UNC13C: variants seen among roughly 807,000 people sequenced by gnomAD.
UNC13C encodes unc-13 homolog C, also known as protein unc-13 homolog C.
UNC13C carries 174 observed loss-of-function variants against 245.4 expected under a neutral mutation model. The observed-to-expected ratio is 0.71, with a 90% CI of 0.63 to 0.80. The LOEUF (loss-of-function observed/expected upper bound fraction) is 0.80. Among genes scored for constraint, UNC13C ranks in the 30% least tolerant of loss-of-function variants. UNC13C has a pLI of 0.00. For synonymous variants in UNC13C, 992 were observed against 895.1 expected (o/e 1.11, Z -1.93); for missense variants, 2,829 against 2,602.9 (o/e 1.09, Z -1.89).
chr15:53,903,092 C>T, the UNC13C span, among the ~76,000 whole-genome samples: 1 of 152,110 alleles, frequency 6.6e-6, no homozygotes, highest in Non-Finnish European at 1.5e-5. Flanking sequence ...ATTTGCTTGT[C>T]TAAAACATAT....
chr15:54,523,379 T>C (rs1895310352), intron 24 of UNC13C, among the ~76,000 whole-genome samples: 1 of 152,208 alleles, frequency 6.6e-6, no homozygotes, highest in Admixed American at 6.5e-5. Context: ...TAACTGAAAC[T>C]AAAACTTTTC....
intron 26 of UNC13C, among the ~76,000 whole-genome samples, chr15:54,540,165 T>C (rs59729248): frequency 0.1 from 15,663 of 151,984 alleles, 1,094 homozygotes; most frequent in African/African-American, 0.19. Context: ...AAGAAAGGAA[T>C]ACAAATAAAC....
chr15:54,246,657 A>T (rs1002863237), intron 7 of UNC13C, among the ~76,000 whole-genome samples: 5 of 150,330 alleles, frequency 3.3e-5, no homozygotes, highest in African/African-American at 1.2e-4. Context: ...AAGTTGTAGA[A>T]GATTTGTAAA....
chr15:54,536,665 G>C (rs1895995903), intron 26 of UNC13C, among the ~76,000 whole-genome samples: 1 of 152,042 alleles, frequency 6.6e-6, no homozygotes, highest in Non-Finnish European at 1.5e-5. Context: ...TAGGATGCAA[G>C]GTGGTTTAAC....
chr15:54,204,822 A>G (rs539579273), intron 4 of UNC13C, among the ~76,000 whole-genome samples: 3 of 152,138 alleles, frequency 2.0e-5, no homozygotes, highest in Non-Finnish European at 4.4e-5. Flanking sequence ...AATATTTGGG[A>G]AAGTCGACAG....
intron 13 of UNC13C, among the ~76,000 whole-genome samples, chr15:54,310,214 G>C (rs1232673200): frequency 2.6e-5 from 4 of 151,724 alleles, no homozygotes; most frequent in African/African-American, 9.7e-5. Context: ...AATAATTTAA[G>C]TAGTGTTAGA....
intron 4 of UNC13C, among the ~76,000 whole-genome samples, chr15:54,226,161 G>T (rs1183817197): frequency 1.3e-5 from 2 of 152,164 alleles, no homozygotes; most frequent in African/African-American, 4.8e-5. Flanking sequence ...AAGCCAAGTT[G>T]ATTGTCATGG....
At chr15:54,332,224 G>T (rs2038455624) in intron 15 of UNC13C, 113 bp downstream of exon 15, 2 of 718,178 alleles carry the variant, frequency 2.8e-6, no homozygotes, top group Non-Finnish European at 4.5e-6. Context: ...ATTGATCTCA[G>T]GTGCTGTTAC....
intron 4 of UNC13C, among the ~76,000 whole-genome samples, chr15:54,168,276 T>TA (rs1439494984): frequency 2.0e-5 from 3 of 152,152 alleles, no homozygotes; most frequent in Non-Finnish European, 4.4e-5. Flanking sequence ...ATTGCTATTC[T>TA]AAAAAAATAT....
chr15:54,320,355 G>A (rs1230068035), intron 13 of UNC13C, among the ~76,000 whole-genome samples: 1 of 151,910 alleles, frequency 6.6e-6, no homozygotes, highest in Non-Finnish European at 1.5e-5. Flanking sequence ...AACATTCAAA[G>A]TTGAGTTTAC....
chr15:54,237,033 G>A (rs1244151386), intron 6 of UNC13C, among the ~76,000 whole-genome samples: 2 of 152,112 alleles, frequency 1.3e-5, no homozygotes, highest in Non-Finnish European at 2.9e-5. Flanking sequence ...GGAAACTAAA[G>A]GGACTTGACT....
intron 14 of UNC13C, among the ~76,000 whole-genome samples, chr15:54,324,589 T>A (rs907554955): frequency 5.3e-5 from 8 of 151,954 alleles, no homozygotes; most frequent in Non-Finnish European, 8.8e-5. Flanking sequence ...GATTTTTTTT[T>A]AAAATGTGAT....
intron 19 of UNC13C, among the ~76,000 whole-genome samples, chr15:54,477,478 G>C (rs1487971484): frequency 9.2e-6 from 1 of 109,268 alleles, no homozygotes; most frequent in African/African-American, 3.4e-5. Flanking sequence ...TTTGAGATAC[G>C]TCCCATCAAT....
chr15:54,482,738 A>C (rs1893193363), intron 19 of UNC13C, among the ~76,000 whole-genome samples: 1 of 149,468 alleles, frequency 6.7e-6, no homozygotes, highest in African/African-American at 2.5e-5. Context: ...AGTCTCCTGC[A>C]CATTTAAAAT....
intron 1 of UNC13C, among the ~76,000 whole-genome samples, chr15:54,005,434 C>T (rs899584823): frequency 6.6e-6 from 1 of 152,132 alleles, no homozygotes; most frequent in African/African-American, 2.4e-5. Context: ...GGACTAGATA[C>T]TCAGGCTCTC....
the UNC13C span, among the ~76,000 whole-genome samples, chr15:53,874,373 T>C: frequency 6.6e-6 from 1 of 152,334 alleles, no homozygotes; most frequent in East Asian, 1.9e-4. Flanking sequence ...AAATAAGTTA[T>C]GCAACTTTTC....
chr15:53,877,768 C>A, the UNC13C span, among the ~76,000 whole-genome samples: 1 of 152,124 alleles, frequency 6.6e-6, no homozygotes, highest in Non-Finnish European at 1.5e-5. Flanking sequence ...TAAACAATAC[C>A]TAATAAAGAC....
chr15:53,985,412 G>A (rs996108630), intron 1 of UNC13C, among the ~76,000 whole-genome samples: 1 of 150,914 alleles, frequency 6.6e-6, no homozygotes, highest in African/African-American at 2.5e-5. Flanking sequence ...CAGTGTGCAG[G>A]TTTGTTACAT....
At chr15:54,350,741 A>G (rs201718021) in intron 17 of UNC13C, among the ~76,000 whole-genome samples, 5 of 152,328 alleles carry the variant, frequency 3.3e-5, no homozygotes, top group African/African-American at 1.2e-4. Context: ...GTGTCGTGTT[A>G]TAGCCATAAA....
Sources: gnomAD v4.1 joint callset for allele counts (sites outside exome capture counted in the v4.1 genomes callset) on GRCh38, gnomAD v4.1.1 for gene constraint, MANE v1.5 for transcripts, NCBI Gene and HGNC (gene_info 2026-07-23, HGNC 2026-07-21) for gene names.